THRB: variants seen among roughly 807,000 people sequenced by gnomAD.
THRB encodes nuclear receptor subfamily 1 group A member 2.
A neutral mutation model predicts 47.8 loss-of-function variants in THRB; 12 were observed. The ratio of observed to expected loss-of-function variants is 0.25; its 90% CI spans 0.16 to 0.41. The LOEUF (loss-of-function observed/expected upper bound fraction) is 0.41. THRB is among the 10% of genes least tolerant of loss of function. THRB has a pLI of 1.00. For synonymous variants in THRB, 218 were observed against 212.2 expected, an observed-to-expected ratio of 1.03 and a Z score of -0.24; for missense variants, 348 against 589.2, an observed-to-expected ratio of 0.59 and a Z score of 4.24.
rs9865746 is a variant in THRB at position 24,143,592 on chromosome 3, T to C, written c.647A>G (p.Asp216Gly). The C allele has an allele frequency of 2.0e-5, 33 of 1,614,218 alleles. No homozygotes were observed. In the African/African-American group the frequency reaches 4.3e-4, roughly 21 times the overall value. ...KSIGHKPEPT[D>G]EEWELIKTVT... The stretch of plus-strand genomic sequence containing the variant: ...AGTTTTGATGAGCTCCCATTCCTCG[T>C]CTGTGGGCTCTGGCTTGTGCCCGAT... The change falls in exon 8 of 11, where the codon GAC becomes GGC. Residue 216 changes from aspartate (D) to glycine (G), a missense_variant. Asp to Gly is a moderately conservative substitution (Grantham distance 94, BLOSUM62 -1). Around this residue, in one of 5 missense-constraint regions of THRB, gnomAD observed 112 missense variants for 212.3 expected, o/e 0.53. Transcript: ENST00000646209.
At position 24,187,071 on chromosome 3, in the gene THRB, T is replaced by C. The variant is rs559650513; in HGVS notation, c.283+3003A>G. On this transcript the variant is annotated intron_variant, in intron 5 of 10. Transcript: ENST00000646209. ...TCAACTATTTGAAGTGAAAGACTAT[T>C]TTAAAAATCTGGTCCATTATGGAGC... Among the ~76,000 whole-genome samples, 10 of 152,196 alleles carry C rather than the reference T, an allele frequency of 6.6e-5. No individual in the cohort carries two copies. In the South Asian group the frequency reaches 1.7e-3, roughly 25 times the overall value.
At chr3:24,323,131 C>T (rs1327232449) in intron 2 of THRB, among the ~76,000 whole-genome samples, 2 of 152,026 alleles carry the variant, frequency 1.3e-5, no homozygotes, top group South Asian at 2.1e-4. Flanking sequence ...TTTAAGTGGC[C>T]CACAGATAAT....
chr3:24,197,460 T>A (rs571894154), intron 4 of THRB, among the ~76,000 whole-genome samples: 52 of 152,330 alleles, frequency 3.4e-4, no homozygotes, highest in African/African-American at 1.2e-3. Context: ...TTTGTCTATG[T>A]CTCTTCTATA....
intron 4 of THRB, among the ~76,000 whole-genome samples, chr3:24,208,590 C>T (rs1249538442): frequency 6.6e-6 from 1 of 152,126 alleles, no homozygotes; most frequent in Non-Finnish European, 1.5e-5. Context: ...CAAAAACAAG[C>T]AATGGGGAAA....
At chr3:24,272,381 C>G (rs894924231) in intron 3 of THRB, among the ~76,000 whole-genome samples, 1 of 148,686 alleles carries the variant, frequency 6.7e-6, no homozygotes, top group African/African-American at 2.6e-5. Context: ...CAAACAAAAA[C>G]AAACAAACAA....
intron 3 of THRB, among the ~76,000 whole-genome samples, chr3:24,243,190 T>C (rs574455194): frequency 9.9e-4 from 150 of 152,152 alleles, no homozygotes; most frequent in African/African-American, 2.7e-3. Context: ...CCAGCCAAGA[T>C]TGAGAGCCAC....
At chr3:24,487,891 C>T (rs1367613103) in intron 1 of THRB, among the ~76,000 whole-genome samples, 2 of 152,148 alleles carry the variant, frequency 1.3e-5, no homozygotes, top group Admixed American at 6.5e-5. Context: ...TGAGCACCTG[C>T]TTTGTGTAGA....
At chr3:24,248,821 C>T (rs924899144) in intron 3 of THRB, among the ~76,000 whole-genome samples, 10 of 152,162 alleles carry the variant, frequency 6.6e-5, no homozygotes, top group African/African-American at 2.2e-4. Context: ...TCCTTGAGTT[C>T]TTAGGTCCTA....
intron 1 of THRB, among the ~76,000 whole-genome samples, chr3:24,473,329 T>A (rs1694976805): frequency 6.6e-6 from 1 of 152,216 alleles, no homozygotes; most frequent in African/African-American, 2.4e-5. Context: ...TTCATTGTAT[T>A]TCTCTAATGA....
chr3:24,381,113 CAAA>C (rs35253085), intron 1 of THRB, among the ~76,000 whole-genome samples: 29 of 87,668 alleles, frequency 3.3e-4, no homozygotes, highest in African/African-American at 8.8e-4. Flanking sequence ...GACTCTGCCT[CAAA>C]AAAAAAAAAA....
intron 4 of THRB, among the ~76,000 whole-genome samples, chr3:24,191,706 C>A (rs139593941): frequency 6.6e-6 from 1 of 152,354 alleles, no homozygotes; most frequent in East Asian, 1.9e-4. Context: ...TACTCAGTCA[C>A]TTTTGAAAGT....
chr3:24,277,325 T>C (rs1243693614), intron 3 of THRB, among the ~76,000 whole-genome samples: 4 of 152,168 alleles, frequency 2.6e-5, no homozygotes, highest in African/African-American at 9.7e-5. Context: ...CAGGACACTC[T>C]CTCACAGCAG....
At position 24,123,131 on chromosome 3, in the gene THRB, G is replaced by A; in HGVS notation, c.1145-6C>T. On this transcript the variant is annotated splice_region_variant and splice_polypyrimidine_tract_variant and intron_variant, in intron 10 of 10. Coordinates refer to ENST00000646209, the MANE Select transcript of THRB (RefSeq NM_001354712.2). ...ACAGGCAAGCCCCGGGCGATCTGCG[G>A]GGAAGAGAGAAGATGGACATTGATT... 1.2e-6 allele frequency: 2 copies of A among 1,614,042 alleles called. No individual in the cohort carries two copies. Among genetic ancestry groups the A allele is most frequent in the African/African-American group, 2.7e-5 (2 of 75,024 alleles).
chr3:24,435,493 C>T (rs1268693145), intron 1 of THRB, among the ~76,000 whole-genome samples: 1 of 152,178 alleles, frequency 6.6e-6, no homozygotes, highest in Admixed American at 6.5e-5. Flanking sequence ...GAGCCACATC[C>T]AAACCCCCCA....
At chr3:24,475,405 T>A (rs957412003) in intron 1 of THRB, among the ~76,000 whole-genome samples, 3 of 152,176 alleles carry the variant, frequency 2.0e-5, no homozygotes, top group African/African-American at 7.2e-5. Flanking sequence ...TATACTTTCT[T>A]ATACTAATTT....
chr3:24,429,600 G>A (rs2070152779), intron 1 of THRB, among the ~76,000 whole-genome samples: 1 of 152,106 alleles, frequency 6.6e-6, no homozygotes, highest in African/African-American at 2.4e-5. Context: ...TTGAATGGTT[G>A]TAGATAGTTG....
chr3:24,212,125 A>G (rs6796609), intron 4 of THRB, among the ~76,000 whole-genome samples: 23,646 of 151,928 alleles, frequency 0.16, 4,246 homozygotes, highest in African/African-American at 0.44. Context: ...TTGGCCAGGC[A>G]TGGTGGCTTA....
At chr3:24,442,661 TA>T (rs767112388) in intron 1 of THRB, among the ~76,000 whole-genome samples, 8 of 151,854 alleles carry the variant, frequency 5.3e-5, no homozygotes, top group African/African-American at 1.7e-4. Flanking sequence ...CCTTCTCTAC[TA>T]AAAAATACAA....
intron 5 of THRB, among the ~76,000 whole-genome samples, chr3:24,161,403 T>C (rs1349719867): frequency 6.7e-6 from 1 of 149,974 alleles, no homozygotes; most frequent in Non-Finnish European, 1.5e-5. Context: ...AATTAAAAAA[T>C]TCAAGTATAG....
Sources: allele counts gnomAD v4.1 joint callset (sites outside exome capture counted in the v4.1 genomes callset), GRCh38; gene constraint gnomAD v4.1.1; regional missense constraint gnomAD v4.1.1; transcripts MANE v1.5; gene names NCBI Gene and HGNC (gene_info 2026-07-23, HGNC 2026-07-21).